Variants in ASB5 observed in about 807,000 individuals in gnomAD.
The protein encoded by ASB5 is ankyrin repeat and SOCS box containing 5, also known as ankyrin repeat and SOCS box protein 5.
A neutral mutation model predicts 42.1 loss-of-function variants in ASB5; 45 were observed. The observed-to-expected ratio is 1.07, with a 90% CI of 0.84 to 1.37. The LOEUF (loss-of-function observed/expected upper bound fraction) is 1.37. ASB5 is among the 40% of genes most tolerant of loss of function. ASB5 has a pLI of 0.00. For synonymous variants in ASB5, 147 were observed against 150.6 expected (o/e 0.98, Z 0.18); for missense variants, 402 against 399.8 (o/e 1.01, Z -0.05).
chr4:176,223,212 A>G (rs556465174), intron 2 of ASB5, among the ~76,000 whole-genome samples: 51 of 152,308 alleles, frequency 3.3e-4, no homozygotes, highest in African/African-American at 9.9e-4. Context: ...GTGGTTAAGA[A>G]TTCTGACTAT....
chr4:176,259,255 T>C (rs1754212982), intron 1 of ASB5, among the ~76,000 whole-genome samples: 1 of 152,220 alleles, frequency 6.6e-6, no homozygotes, highest in Non-Finnish European at 1.5e-5. Flanking sequence ...TCCAAATTCA[T>C]GATTCTAGAT....
intron 1 of ASB5, among the ~76,000 whole-genome samples, chr4:176,254,652 T>A (rs965973195): frequency 1.3e-5 from 2 of 151,984 alleles, no homozygotes; most frequent in East Asian, 3.9e-4. Flanking sequence ...AAACTTTGCA[T>A]CTAACAAAAA....
intron 1 of ASB5, chr4:176,241,415 A>G: frequency 6.8e-7 from 1 of 1,466,418 alleles, no homozygotes; most frequent in Non-Finnish European, 9.1e-7. Context: ...GTAAAAAAAT[A>G]AAACCTCCTT....
Position 176,251,160 on chromosome 4 carries a change from CACCGCTTAA to C in ASB5, c.196+17744_196+17752del, listed in dbSNP as rs1199558315. Among the ~76,000 whole-genome samples, 23 of 151,764 alleles carry C rather than the reference CACCGCTTAA, an allele frequency of 1.5e-4. 1 individual carries two copies. Among genetic ancestry groups the C allele is most frequent in the African/African-American group, 5.6e-4 (23 of 41,352 alleles). On this transcript the variant is annotated intron_variant, in intron 1 of 6. Coordinates refer to ENST00000296525, the MANE Select transcript of ASB5 (RefSeq NM_080874.4). ...TGGCTCTAGCCACAGATAGTTTTATCACCGCTTAACCATGTGCTCATGGGAGGTTTAGCT... is the reference window on the plus strand; with the variant it reads ...TGGCTCTAGCCACAGATAGTTTTATCCCATGTGCTCATGGGAGGTTTAGCT...
chr4:176,215,486 G>A lies in ASB5; in HGVS notation c.*114C>T. The A allele has an allele frequency of 9.4e-7, 1 of 1,064,794 alleles. No homozygotes were observed. 66.0% of individuals were successfully genotyped at this position (1,064,794 alleles called of 1,614,324 possible). ...AAATTGATATTTTACTGCTTCCCTG[G>A]GTGATCTCACACTCACTTTTATCCT... On this transcript the variant is annotated 3_prime_UTR_variant, in exon 7 of 7. Coordinates refer to ENST00000296525, the MANE Select transcript of ASB5 (RefSeq NM_080874.4).
At chr4:176,251,564 TAAAA>T (rs34392287) in intron 1 of ASB5, among the ~76,000 whole-genome samples, 26 of 10,370 alleles carry the variant, frequency 2.5e-3, no homozygotes, top group African/African-American at 9.8e-3. Context: ...TCTGTCTCAT[TAAAA>T]AAAAAAAAAA....
rs893980211 is a variant in ASB5, at chr4:176,221,477, A to T, written c.508T>A (p.Ser170Thr). The T allele has an allele frequency of 4.3e-6, 7 of 1,614,036 alleles. No homozygotes were observed. Among genetic ancestry groups the T allele is most frequent in the Non-Finnish European group, 4.2e-6 (5 of 1,179,986 alleles). The change falls in exon 4 of 7, where the codon TCC becomes ACC. Residue 170 changes from serine to threonine, a missense_variant. Transcript: ENST00000296525. ...TTACTGGCGGCCTCATGCGTTGGGG[A>T]TGGAAGACATGACTCCAGCTGGGCT... ...AKAQLESCLP[S>T]PTHEAASKGH...
intron 1 of ASB5, among the ~76,000 whole-genome samples, chr4:176,243,268 C>G (rs908197362): frequency 9.1e-6 from 1 of 110,318 alleles, no homozygotes; most frequent in Non-Finnish European, 1.8e-5. Flanking sequence ...TTCCATATAT[C>G]AATTAGGTCT....
intron 1 of ASB5, chr4:176,237,315 A>G (rs1336527208): frequency 1.0e-6 from 1 of 985,914 alleles, no homozygotes; most frequent in Non-Finnish European, 1.2e-6. Flanking sequence ...AGAATACCCC[A>G]GCTAGCTTTT....
At chr4:176,221,744 C>T (rs1410329645) in intron 3 of ASB5, 144 bp from the exon 4 acceptor site, 9 of 743,992 alleles carry the variant, frequency 1.2e-5, no homozygotes, top group East Asian at 2.9e-5. Context: ...ATACTTTGCT[C>T]TTATGCATTA....
At chr4:176,275,717 T>C (rs902065482) in intron 2 of ASB5, 1 of 152,222 alleles carries the variant, frequency 6.6e-6, no homozygotes, top group Admixed American at 6.5e-5. Flanking sequence ...GCTTCTATCC[T>C]GGAGGAAGGA....
intron 1 of ASB5, among the ~76,000 whole-genome samples, chr4:176,241,937 T>C (rs1327716282): frequency 5.9e-5 from 9 of 152,158 alleles, no homozygotes; most frequent in African/African-American, 9.7e-5. Context: ...ATGACGTAGA[T>C]GACCTAAGGA....
intron 2 of ASB5, among the ~76,000 whole-genome samples, chr4:176,275,213 C>T (rs1034771950): frequency 3.3e-5 from 5 of 152,072 alleles, no homozygotes; most frequent in Admixed American, 6.6e-5. Context: ...CCGCATCAGG[C>T]CCTGCATAGC....
chr4:176,216,222 G>A (rs17062628), intron 6 of ASB5, among the ~76,000 whole-genome samples: 9,203 of 152,040 alleles, frequency 0.061, 359 homozygotes, highest in East Asian at 0.095. Context: ...ATAAAATGGG[G>A]CATGCTCCAA....
At chr4:176,239,069 A>G (rs894334225) in intron 1 of ASB5, among the ~76,000 whole-genome samples, 23 of 152,182 alleles carry the variant, frequency 1.5e-4, no homozygotes, top group Admixed American at 1.3e-3. Flanking sequence ...GATATTCCCA[A>G]TGAAACTGAA....
intron 1 of ASB5, among the ~76,000 whole-genome samples, chr4:176,238,888 G>A (rs1753751527): frequency 6.6e-6 from 1 of 152,104 alleles, no homozygotes; most frequent in Non-Finnish European, 1.5e-5. Flanking sequence ...CTTCAATTAA[G>A]TTCTAATCCT....
intron 2 of ASB5, among the ~76,000 whole-genome samples, chr4:176,275,330 G>A (rs1754544834): frequency 6.6e-6 from 1 of 151,938 alleles, no homozygotes; most frequent in Non-Finnish European, 1.5e-5. Flanking sequence ...ATAAAATTGG[G>A]GTCTAGGAGG....
chr4:176,215,428 G>A lies in ASB5; in HGVS notation c.*172C>T. The A allele has an allele frequency of 1.9e-6, 1 of 517,444 alleles. No homozygotes were observed. Among genetic ancestry groups the A allele is most frequent in the Non-Finnish European group, 3.2e-6 (1 of 315,224 alleles). The allele number at this position is 517,444 out of a possible 1,614,324, so 32.1% of individuals were successfully genotyped here. A position where few individuals can be genotyped will look rare whatever the true frequency, so the allele number is the denominator to read the frequency against. On this transcript the variant is annotated 3_prime_UTR_variant, in exon 7 of 7. Transcript: ENST00000296525. The stretch of plus-strand genomic sequence containing the variant: ...GCTATAATCCAAAGACAGCATAAAT[G>A]ATAAAACAATAGTACTAATACACTT...
intron 1 of ASB5, among the ~76,000 whole-genome samples, chr4:176,246,231 C>T (rs1018889742): frequency 6.6e-6 from 1 of 152,052 alleles, no homozygotes; most frequent in Non-Finnish European, 1.5e-5. Flanking sequence ...AAGGCTTTTA[C>T]AGCTACTATA....
Sources: gnomAD v4.1 joint callset for allele counts (sites outside exome capture counted in the v4.1 genomes callset) on GRCh38, gnomAD v4.1.1 for gene constraint, MANE v1.5 for transcripts, NCBI Gene and HGNC (gene_info 2026-07-23, HGNC 2026-07-21) for gene names.